The following ABCA4 variants were observed in gnomAD, a reference collection of about 807,000 sequenced individuals.
ABCA4 encodes the protein retinal-specific phospholipid-transporting ATPase ABCA4.
A neutral mutation model predicts 263.7 loss-of-function variants in ABCA4; 196 were observed. The observed-to-expected ratio is 0.74, with a 90% CI of 0.66 to 0.84. The LOEUF (loss-of-function observed/expected upper bound fraction) is 0.84. Among genes scored for constraint, ABCA4 ranks in the 40% least tolerant of loss-of-function variants. The probability of loss-of-function intolerance (pLI) is 0.00; values close to 1 mark genes in which losing one functional copy is unlikely to be tolerated. For synonymous variants in ABCA4, 1,133 were observed against 1,094.2 expected (o/e 1.04, Z -0.70); for missense variants, 2,792 against 2,855.1 (o/e 0.98, Z 0.50).
chr1:94,056,463 T>A, intron 15 of ABCA4, 138 bp downstream of exon 15: 1 of 938,266 alleles, frequency 1.1e-6, no homozygotes, highest in Non-Finnish European at 1.7e-6. Context: ...CCCTGTACAT[T>A]TTAGCCTCAC....
chr1:94,117,063 TCTCTCTCTCTTC>T (rs773275834), intron 1 of ABCA4, among the ~76,000 whole-genome samples: 240 of 150,252 alleles, frequency 1.6e-3, no homozygotes, highest in Non-Finnish European at 2.4e-3. Flanking sequence ...TTCTTTCCTT[TCTCTCTCTCTTC>T]CTCTCTCTCT....
intron 44 of ABCA4, 140 bp downstream of exon 44, chr1:94,005,301 A>G (rs1659342876): frequency 2.6e-6 from 3 of 1,161,280 alleles, no homozygotes; most frequent in East Asian, 4.7e-5. Context: ...CTTGGCACAC[A>G]GTAGACACAT....
chr1:94,046,416 C>T (rs1385468072), intron 19 of ABCA4, among the ~76,000 whole-genome samples: 3 of 142,100 alleles, frequency 2.1e-5, no homozygotes, highest in East Asian at 4.1e-4. Context: ...GAGCCAAGAT[C>T]GCACCACTGC....
intron 4 of ABCA4, among the ~76,000 whole-genome samples, chr1:94,108,365 C>T (rs891133498): frequency 2.0e-5 from 3 of 152,200 alleles, no homozygotes; most frequent in African/African-American, 7.2e-5. Context: ...GTGGATGAGA[C>T]CTTTCCTGCC....
rs754765164 is a variant in ABCA4, at chr1:94,062,755, T to C, written c.1761-2A>G. 2 of 1,613,480 alleles carry C rather than the reference T, an allele frequency of 1.2e-6. No homozygotes were observed. The highest frequency in any genetic ancestry group is 4.5e-5 in the East Asian group (2 of 44,854). Reference sequence around the variant, plus strand: ...GCTCTGGGACCAGAATCCCAATACCTGAGAAGACACAGAGGGACAAAGGAT... The same window carrying C: ...GCTCTGGGACCAGAATCCCAATACCCGAGAAGACACAGAGGGACAAAGGAT... On this transcript the variant is annotated splice_acceptor_variant, in intron 12 of 49. Transcript: ENST00000370225. LOFTEE classifies it high-confidence loss of function.
chr1:94,063,108 T>G lies in ABCA4; in HGVS notation c.1760+4A>C. 1 of 1,612,038 alleles carries G rather than the reference T, an allele frequency of 6.2e-7. No individual in the cohort carries two copies. Among genetic ancestry groups the G allele is most frequent in the Non-Finnish European group, 8.5e-7 (1 of 1,178,590 alleles). ...AATGCAGCGAGCCCTTCCTGAAACA[T>G]CACCTGTCTTTAATCTTATTGGTTT... On this transcript the variant is annotated splice_donor_region_variant and intron_variant, in intron 12 of 49. Transcript: ENST00000370225.
In ABCA4 at chr1:94,007,759, C is replaced by T. The variant is rs761937846; in HGVS notation, c.5899-19G>A. 20 of 1,602,302 alleles carry T rather than the reference C, an allele frequency of 1.2e-5. No individual in the cohort carries two copies. Among genetic ancestry groups the T allele is most frequent in the East Asian group, 2.2e-5 (1 of 44,840 alleles). ...CAAAGCACTAGGAGAAAACACAGAG[C>T]TAGCCTGGCCCTAGAGATCAAGAAG... On this transcript the variant is annotated intron_variant, in intron 42 of 49. Coordinates refer to ENST00000370225, the MANE Select transcript of ABCA4 (RefSeq NM_000350.3).
At chr1:94,096,028 C>G (rs1662117969) in intron 6 of ABCA4, among the ~76,000 whole-genome samples, 1 of 152,194 alleles carries the variant, frequency 6.6e-6, no homozygotes, top group Non-Finnish European at 1.5e-5. Context: ...GAGAAAGCAT[C>G]TCCACACCAC....
At chr1:94,084,936 TC>T (rs1661792264) in intron 6 of ABCA4, among the ~76,000 whole-genome samples, 1 of 152,186 alleles carries the variant, frequency 6.6e-6, no homozygotes. Flanking sequence ...TAGCCCCAAG[TC>T]CTGCCCGTCC....
intron 13 of ABCA4, 38 bp from the exon 14 acceptor site, chr1:94,060,797 C>A: frequency 6.8e-7 from 1 of 1,474,860 alleles, no homozygotes; most frequent in South Asian, 1.2e-5. Flanking sequence ...GTAGAGTGCT[C>A]TGTACCTGGT....
chr1:94,008,938 G>A lies in ABCA4; in HGVS notation c.5715-67C>T, dbSNP rs1344651185. 5 of 1,592,302 alleles carry A rather than the reference G, an allele frequency of 3.1e-6. No homozygotes were observed. The Admixed American group carries it at 5.1e-5, about 16-fold the overall frequency. On this transcript the variant is annotated intron_variant, in intron 40 of 49. Coordinates refer to ENST00000370225, the MANE Select transcript of ABCA4 (RefSeq NM_000350.3). ...TGTCCTTGGCACTGTCCTTTCCATG[G>A]GACCTCTCTTCCACTTCCTTGCTTC... is the stretch of plus-strand genomic sequence containing the variant.
intron 28 of ABCA4, 53 bp from the exon 29 acceptor site, chr1:94,030,579 T>C (rs1490767002): frequency 1.3e-6 from 2 of 1,523,316 alleles, no homozygotes; most frequent in African/African-American, 1.4e-5. Flanking sequence ...GCCAACATCA[T>C]GCAACTCAGA....
chr1:94,038,672 G>A (rs1309900605), intron 24 of ABCA4, among the ~76,000 whole-genome samples: 1 of 152,162 alleles, frequency 6.6e-6, no homozygotes, highest in African/African-American at 2.4e-5. Context: ...CATATTCATT[G>A]TTCTTTTAGG....
chr1:94,038,643 C>CT (rs1209011079), intron 24 of ABCA4, among the ~76,000 whole-genome samples: 1 of 152,176 alleles, frequency 6.6e-6, no homozygotes, highest in Non-Finnish European at 1.5e-5. Flanking sequence ...CAGCTCTGCC[C>CT]TAATAGCTCT....
chr1:94,061,126 C>T (rs1661113461), intron 13 of ABCA4, among the ~76,000 whole-genome samples: 1 of 152,192 alleles, frequency 6.6e-6, no homozygotes, highest in South Asian at 2.1e-4. Flanking sequence ...CATGCTGACA[C>T]TGAAACCCAA....
rs959036320 is a variant in ABCA4 at position 94,001,952 on chromosome 1, T to C, written c.6188A>G (p.Tyr2063Cys). Residue 2063 changes from tyrosine to cysteine, a missense_variant, in exon 45 of 50, where the codon TAC (tyrosine) becomes TGC (cysteine). Tyr to Cys is a radical substitution (Grantham distance 194). Transcript: ENST00000370225. ...GTACGTGCCAGCCAGGCAGTCGGCG[T>C]AGACAGTCAGGCCCAGGCTCTTAAT... ...WSIKSLGLTV[Y>C]ADCLAGTYSG... 1.2e-6 allele frequency: 2 copies of C among 1,614,026 alleles called. No homozygotes were observed. Among genetic ancestry groups the C allele is most frequent in the Admixed American group, 1.7e-5 (1 of 60,008 alleles).
chr1:94,046,754 T>C (rs1287434882), intron 19 of ABCA4, among the ~76,000 whole-genome samples, 165 bp downstream of exon 19: 3 of 152,230 alleles, frequency 2.0e-5, no homozygotes. Flanking sequence ...AGAGAATACA[T>C]ATTAGTGATC....
At chr1:93,996,985 A>AC (rs557781814) in intron 48 of ABCA4, among the ~76,000 whole-genome samples, 201 of 152,284 alleles carry the variant, frequency 1.3e-3, no homozygotes, top group African/African-American at 4.4e-3. Flanking sequence ...GCCAAGGGCG[A>AC]GGGGGGCAGT....
At chr1:94,014,137 C>T (rs1659650821) in intron 38 of ABCA4, among the ~76,000 whole-genome samples, 1 of 150,938 alleles carries the variant, frequency 6.6e-6, no homozygotes, top group South Asian at 2.1e-4. Context: ...ACACAGAAAA[C>T]CATTTCATTC....
Sources: gnomAD v4.1 joint callset for allele counts (sites outside exome capture counted in the v4.1 genomes callset) on GRCh38, gnomAD v4.1.1 for gene constraint, MANE v1.5 for transcripts, NCBI Gene and HGNC (gene_info 2026-07-23, HGNC 2026-07-21) for gene names.